ATP13A4: variants seen among roughly 807,000 people sequenced by gnomAD.
ATP13A4 encodes ATPase 13A4.
A neutral mutation model predicts 142.5 loss-of-function variants in ATP13A4; 114 were observed. The observed-to-expected ratio is 0.80, with a 90% CI of 0.69 to 0.93. The LOEUF (loss-of-function observed/expected upper bound fraction) is 0.93. Ranked by LOEUF, ATP13A4 falls within the 40% of genes least tolerant of loss-of-function variation. The pLI, the probability that ATP13A4 is intolerant of heterozygous loss-of-function variation, is 0.00. For synonymous variants in ATP13A4, 488 were observed against 514.8 expected, an observed-to-expected ratio of 0.95 and a Z score of 0.70; for missense variants, 1,392 against 1,454.0, an observed-to-expected ratio of 0.96 and a Z score of 0.69.
intron 2 of ATP13A4, among the ~76,000 whole-genome samples, chr3:193,570,822 G>T (rs978297544): frequency 6.6e-6 from 1 of 152,070 alleles, no homozygotes; most frequent in East Asian, 1.9e-4. Context: ...TGGGACCAAA[G>T]GATAATAATA....
At chr3:193,412,409 T>C in intron 26 of ATP13A4, 38 bp from the exon 27 acceptor site, 1 of 1,585,990 alleles carries the variant, frequency 6.3e-7, no homozygotes. Flanking sequence ...GAAGTAAGAT[T>C]GCAAGGCTTT....
intron 2 of ATP13A4, among the ~76,000 whole-genome samples, chr3:193,505,440 C>T (rs896525715): frequency 6.6e-6 from 1 of 152,112 alleles, no homozygotes; most frequent in African/African-American, 2.4e-5. Context: ...ATCTATACAC[C>T]TATCTCTTCT....
intron 2 of ATP13A4, among the ~76,000 whole-genome samples, chr3:193,573,164 A>C (rs892771265): frequency 1.0e-3 from 151 of 149,546 alleles, no homozygotes; most frequent in Non-Finnish European, 1.2e-3. Context: ...GTTTAGCAAA[A>C]CTCTAAACAG....
At chr3:193,571,700 C>T (rs564336953) in intron 2 of ATP13A4, among the ~76,000 whole-genome samples, 117 of 152,152 alleles carry the variant, frequency 7.7e-4, no homozygotes, top group Non-Finnish European at 1.4e-3. Flanking sequence ...TTATAAAACA[C>T]GTAATACCCC....
chr3:193,428,376 A>G (rs1435103800), intron 25 of ATP13A4, among the ~76,000 whole-genome samples: 1 of 152,130 alleles, frequency 6.6e-6, no homozygotes, highest in Admixed American at 6.5e-5. Flanking sequence ...TGTGGAAGAC[A>G]GTGTGGTGAT....
intron 2 of ATP13A4, among the ~76,000 whole-genome samples, chr3:193,573,274 T>C (rs796587714): frequency 2.4e-4 from 20 of 83,050 alleles, no homozygotes; most frequent in East Asian, 2.0e-3. Flanking sequence ...TATATATATA[T>C]ACATATATAT....
rs1343920264 is a variant in ATP13A4, at chr3:193,489,710, G to T, written c.738+20C>A. 2.5e-6 allele frequency: 4 copies of T among 1,596,998 alleles called. No homozygotes were observed. The African/African-American group carries it at 4.0e-5, about 16-fold the overall frequency. ...TTATCCTTCCCTTTATGAAACCATA[G>T]AATTAATAGAAAAACTCACCTCTCT... On this transcript the variant is annotated intron_variant, in intron 7 of 29. Transcript: ENST00000342695.
At chr3:193,513,978 A>G (rs1035177413) in intron 2 of ATP13A4, among the ~76,000 whole-genome samples, 1 of 152,216 alleles carries the variant, frequency 6.6e-6, no homozygotes. Flanking sequence ...ATTTTTAGCT[A>G]TTAACATGTG....
intron 29 of ATP13A4, 35 bp from the exon 30 acceptor site, chr3:193,402,899 G>C: frequency 3.8e-6 from 6 of 1,593,398 alleles, no homozygotes; most frequent in Middle Eastern, 1.9e-4. Context: ...TACAAGCAAG[G>C]GTTGAGTGTT....
intron 18 of ATP13A4, among the ~76,000 whole-genome samples, chr3:193,442,865 T>C (rs1716729439): frequency 6.6e-6 from 1 of 151,704 alleles, no homozygotes; most frequent in African/African-American, 2.4e-5. Flanking sequence ...GCAAATCCTC[T>C]GGTTTAGTAG....
intron 2 of ATP13A4, among the ~76,000 whole-genome samples, chr3:193,577,106 CCT>C (rs1724413136): frequency 6.6e-6 from 1 of 152,236 alleles, no homozygotes; most frequent in African/African-American, 2.4e-5. Flanking sequence ...TAAGAGGCCT[CCT>C]GGTTTTAGTC....
chr3:193,421,177 C>T lies in ATP13A4; in HGVS notation c.2843-6427G>A, dbSNP rs1248081225. ...TTTTAAAAGCAGCAAGAGAAAAGTG[C>T]CAAATCACAAATAAGGAAATCCCCA... On this transcript the variant is annotated intron_variant, in intron 25 of 29. Coordinates refer to ENST00000342695, the MANE Select transcript of ATP13A4 (RefSeq NM_032279.4). Among the ~76,000 whole-genome samples the T allele has an allele frequency of 6.0e-5, 9 of 149,564 alleles. 1 individual carries two copies. Among genetic ancestry groups the T allele is most frequent in the Non-Finnish European group, 1.0e-4 (7 of 67,728 alleles).
Position 193,588,127 on chromosome 3 carries a change from T to G in ATP13A4, n.91+4894A>C, listed in dbSNP as rs911474620. On this transcript the variant is annotated intron_variant and non_coding_transcript_variant, in intron 1 of 3. Coordinates refer to the ATP13A4 transcript ENST00000489140. ...TAGCCTGGGAAACAGAGCAAGACGCTGTCTCAAAATAAATAAATAAACAAA... is the reference window on the plus strand; with the variant it reads ...TAGCCTGGGAAACAGAGCAAGACGCGGTCTCAAAATAAATAAATAAACAAA... Among the ~76,000 whole-genome samples the G allele has an allele frequency of 2.6e-5, 4 of 152,302 alleles. No individual in the cohort carries two copies. The East Asian group carries it at 5.8e-4, about 22-fold the overall frequency.
rs547823734 is a variant in ATP13A4, at chr3:193,402,408, C to G, written c.*244G>C. ...TCTCTTGGCCCATAGAAATTCTTGG[C>G]CCATTCTTGCCTTCACTGAATGCCT... On this transcript the variant is annotated 3_prime_UTR_variant, in exon 30 of 30. Transcript: ENST00000342695. 17 of 482,196 alleles carry G rather than the reference C, an allele frequency of 3.5e-5. No individual in the cohort carries two copies. Among genetic ancestry groups the G allele is most frequent in the African/African-American group, 3.1e-4 (16 of 51,298 alleles). The allele number at this position is 482,196 out of a possible 1,614,324, so 29.9% of individuals were successfully genotyped here.
chr3:193,511,570 T>C (rs916267845), intron 2 of ATP13A4, among the ~76,000 whole-genome samples: 2 of 152,234 alleles, frequency 1.3e-5, no homozygotes, highest in Non-Finnish European at 2.9e-5. Flanking sequence ...ACTTTTGGAA[T>C]GGCTTGAGCA....
intron 13 of ATP13A4, among the ~76,000 whole-genome samples, chr3:193,461,507 C>A (rs9856965): frequency 0.51 from 77,166 of 151,968 alleles, 20,097 homozygotes; most frequent in African/African-American, 0.64. Flanking sequence ...TTAACACTTT[C>A]AGAGGCCTCT....
chr3:193,482,846 A>G (rs763343061), intron 8 of ATP13A4, among the ~76,000 whole-genome samples: 4 of 152,346 alleles, frequency 2.6e-5, no homozygotes, highest in South Asian at 2.1e-4. Flanking sequence ...GTTTCTTAAA[A>G]TGTTAAATAT....
intron 10 of ATP13A4, 139 bp downstream of exon 10, chr3:193,467,177 A>G (rs1718341286): frequency 1.2e-6 from 1 of 833,572 alleles, no homozygotes; most frequent in South Asian, 1.9e-5. Flanking sequence ...CACAGCTACT[A>G]TATACCCACA....
In ATP13A4 at chr3:193,502,498, G is replaced by T. The variant is rs761826068; in HGVS notation, c.376C>A (p.Leu126Ile). 1.2e-6 allele frequency: 2 copies of T among 1,613,960 alleles called. No individual in the cohort carries two copies. The highest frequency in any genetic ancestry group is 1.7e-6 in the Non-Finnish European group (2 of 1,179,932). ...GTAGCCATAAGTTTACTTACCTTTA[G>T]GTCTGGCTTTCTTATGGCTCTATTT... Reference protein sequence around the residue: ...IINRAIRKPDLKVRCIKVQKI... With the variant: ...IINRAIRKPDIKVRCIKVQKI... The change falls in exon 3 of 30, where the codon CTA becomes ATA. Residue 126 changes from leucine to isoleucine, a missense_variant. Coordinates refer to ENST00000342695, the MANE Select transcript of ATP13A4 (RefSeq NM_032279.4).
Sources: gnomAD v4.1 joint callset for allele counts (sites outside exome capture counted in the v4.1 genomes callset) on GRCh38, gnomAD v4.1.1 for gene constraint, MANE v1.5 for transcripts, NCBI Gene and HGNC (gene_info 2026-07-23, HGNC 2026-07-21) for gene names.